TENT4B: variants seen among roughly 807,000 people sequenced by gnomAD.
The protein encoded by TENT4B is terminal nucleotidyltransferase 4B, also known as PAP associated domain containing 5.
A neutral mutation model predicts 75.0 loss-of-function variants in TENT4B; 10 were observed. The observed-to-expected ratio is 0.13, with a 90% CI of 0.08 to 0.23. The LOEUF (loss-of-function observed/expected upper bound fraction) is 0.23. Ranked by LOEUF, TENT4B falls within the 10% of genes least tolerant of loss-of-function variation. The pLI is 1.00. For missense variants in TENT4B, 579 were observed against 893.8 expected (o/e 0.65, Z 4.49); for synonymous variants, 350 against 357.7 (o/e 0.98, Z 0.24).
Position 50,153,739 on chromosome 16 carries a change from C to T in TENT4B, c.118C>T (p.His40Tyr). The change falls in exon 1 of 12, where the codon CAC becomes TAC. Residue 40 changes from histidine to tyrosine, a missense_variant. His to Tyr is a moderately conservative substitution (Grantham distance 83). This residue lies in a region of TENT4B where 253 missense variants were observed against 270.1 expected (regional missense o/e 0.94). Coordinates refer to ENST00000561678, the MANE Select transcript of TENT4B (RefSeq NM_001365324.3). ...GAACCTCTACTTCAACCACCACTGT[C>T]ACAGCAGCGGCGGCGCGAGCGGCGG... is the stretch of plus-strand genomic sequence containing the variant. ...LRNLYFNHHC[H>Y]SSGGASGGGG... The T allele has an allele frequency of 9.5e-7, 1 of 1,054,040 alleles. No individual in the cohort carries two copies. Among genetic ancestry groups the T allele is most frequent in the Non-Finnish European group, 1.1e-6 (1 of 876,500 alleles). The allele number at this position is 1,054,040 out of a possible 1,614,324, so 65.3% of individuals were successfully genotyped here.
upstream of TENT4B, chr16:50,152,945 C>T (rs978100600): frequency 4.7e-6 from 7 of 1,504,350 alleles, no homozygotes; most frequent in Non-Finnish European, 6.2e-6. Flanking sequence ...GGGCGGGCGG[C>T]AACCTCCATG....
chr16:50,233,517 A>G lies in TENT4B; in HGVS notation c.*4189A>G, dbSNP rs1301171792. ...AGCGACTTTTCTTTTTTTTTTGGTC[A>G]AAGATAATGAGCTAAATATATATAG... On this transcript the variant is annotated 3_prime_UTR_variant, in exon 12 of 12. Coordinates refer to ENST00000561678, the MANE Select transcript of TENT4B (RefSeq NM_001365324.3). The G allele has an allele frequency of 3.0e-6, 3 of 984,888 alleles. No individual in the cohort carries two copies. In the African/African-American group the frequency reaches 5.3e-5, roughly 17 times the overall value. 61.0% of individuals were successfully genotyped at this position (984,888 alleles called of 1,614,324 possible).
intron 1 of TENT4B, among the ~76,000 whole-genome samples, chr16:50,192,422 T>A (rs536527554): frequency 3.9e-5 from 6 of 152,244 alleles, no homozygotes; most frequent in African/African-American, 1.4e-4. Flanking sequence ...TCTTTAAAAT[T>A]TTTTTTAAAA....
intron 1 of TENT4B, among the ~76,000 whole-genome samples, chr16:50,199,649 T>C (rs1185812874): frequency 6.6e-6 from 1 of 152,240 alleles, no homozygotes; most frequent in African/African-American, 2.4e-5. Flanking sequence ...TTGGCTTCTT[T>C]TACGTAGTAA....
rs1039275680 is a variant in TENT4B at position 50,234,957 on chromosome 16, C to T, written c.*5629C>T. Reference sequence around the variant, plus strand: ...CTTCAGTGTTAAGAAATGTGGACTCCTGTGAGGTGCTGGAGGTTTGAATCA... The same window carrying T: ...CTTCAGTGTTAAGAAATGTGGACTCTTGTGAGGTGCTGGAGGTTTGAATCA... On this transcript the variant is annotated 3_prime_UTR_variant, in exon 12 of 12. Transcript: ENST00000561678. 3 of 985,674 alleles carry T rather than the reference C, an allele frequency of 3.0e-6. No homozygotes were observed. The highest frequency in any genetic ancestry group is 1.7e-5 in the African/African-American group (1 of 57,212). 61.1% of individuals were successfully genotyped at this position (985,674 alleles called of 1,614,324 possible). A position where few individuals can be genotyped will look rare whatever the true frequency, so the allele number is the denominator to read the frequency against.
intron 5 of TENT4B, among the ~76,000 whole-genome samples, chr16:50,218,926 T>G (rs75817782): frequency 0.026 from 3,920 of 151,910 alleles, 52 homozygotes; most frequent in South Asian, 0.051. Flanking sequence ...TATTCACAAT[T>G]TTTTTTTTCT....
chr16:50,189,349 A>G (rs2038595998), intron 1 of TENT4B, among the ~76,000 whole-genome samples: 1 of 152,160 alleles, frequency 6.6e-6, no homozygotes, highest in African/African-American at 2.4e-5. Context: ...TTGATTTTAA[A>G]ATATTGCAAG....
Position 50,231,042 on chromosome 16 carries a change from C to CTTTA in TENT4B, c.*1715_*1716insTTAT, listed in dbSNP as rs138572890. The stretch of plus-strand genomic sequence containing the variant: ...GTAACTTTTTATAAAGAAAATAATG[C>CTTTA]TAAAGTAAGACCAAAACTGATGTCA... On this transcript the variant is annotated 3_prime_UTR_variant, in exon 12 of 12. Coordinates refer to ENST00000561678, the MANE Select transcript of TENT4B (RefSeq NM_001365324.3). The CTTTA allele has an allele frequency of 0.064, 63,284 of 981,624 alleles. 2,248 individuals carry two copies. The highest frequency in any genetic ancestry group is 0.071 in the Non-Finnish European group (58,409 of 826,142). The allele number at this position is 981,624 out of a possible 1,614,324, so 60.8% of individuals were successfully genotyped here.
chr16:50,196,950 A>G lies in TENT4B; in HGVS notation c.639-14373A>G, dbSNP rs190852967. The stretch of plus-strand genomic sequence containing the variant: ...AACCCTGTCTCAAAAAAAAAAAAAT[A>G]GTACAACTTTAAGCAGGATGTGGGC... On this transcript the variant is annotated intron_variant, in intron 1 of 11. Transcript: ENST00000561678. Among the ~76,000 whole-genome samples the G allele has an allele frequency of 1.9e-4, 29 of 151,542 alleles. 1 individual carries two copies. The highest frequency in any genetic ancestry group is 6.3e-4 in the African/African-American group (26 of 41,206).
intron 1 of TENT4B, among the ~76,000 whole-genome samples, chr16:50,179,401 A>G (rs998252122): frequency 1.3e-5 from 2 of 152,020 alleles, no homozygotes; most frequent in African/African-American, 2.4e-5. Context: ...CCAAATGTTT[A>G]TATTTACTTT....
chr16:50,223,484 C>T (rs757362087), intron 7 of TENT4B, 97 bp downstream of exon 7: 3 of 768,380 alleles, frequency 3.9e-6, no homozygotes, highest in Admixed American at 3.0e-5. Context: ...AATGAAGGAA[C>T]AACTTCTAAT....
chr16:50,153,228 C>T (rs2037802535), upstream of TENT4B, among the ~76,000 whole-genome samples: 1 of 138,266 alleles, frequency 7.2e-6, no homozygotes, highest in Non-Finnish European at 1.6e-5. Flanking sequence ...GCAGAGGCCC[C>T]GCCCCGGGGC....
chr16:50,192,267 C>A (rs2150710468), intron 1 of TENT4B, among the ~76,000 whole-genome samples: 1 of 151,246 alleles, frequency 6.6e-6, no homozygotes, highest in African/African-American at 2.4e-5. Flanking sequence ...TAAATGTGAT[C>A]TTTTTTCTTC....
intron 1 of TENT4B, among the ~76,000 whole-genome samples, chr16:50,204,453 A>G (rs1450391671): frequency 6.6e-6 from 1 of 152,190 alleles, no homozygotes; most frequent in Non-Finnish European, 1.5e-5. Context: ...TAGGTTTAAG[A>G]GAATGACAAG....
At chr16:50,222,552 C>CT (rs992268119) in intron 6 of TENT4B, 118 bp downstream of exon 6, 1 of 1,047,780 alleles carries the variant, frequency 9.5e-7, no homozygotes, top group African/African-American at 1.7e-5. Flanking sequence ...TCCTTGATTA[C>CT]TTAACGGCTT....
rs2037816432 is a variant in TENT4B at position 50,153,506 on chromosome 16, C to T, written c.-116C>T. The T allele has an allele frequency of 4.0e-6, 1 of 252,144 alleles. No individual in the cohort carries two copies. The highest frequency in any genetic ancestry group is 1.8e-4 in the East Asian group (1 of 5,448). 15.6% of individuals were successfully genotyped at this position (252,144 alleles called of 1,614,324 possible). A position where few individuals can be genotyped will look rare whatever the true frequency, so the allele number is the denominator to read the frequency against. ...GGGCCCCGAGCAGCAGCAGCAGCAG[C>T]AGCGGCAGCAGCGGCAGCAGCAGCA... On this transcript the variant is annotated 5_prime_UTR_variant, in exon 1 of 12. Coordinates refer to ENST00000561678, the MANE Select transcript of TENT4B (RefSeq NM_001365324.3).
intron 1 of TENT4B, among the ~76,000 whole-genome samples, chr16:50,157,929 C>T (rs186837058): frequency 6.6e-6 from 1 of 151,900 alleles, no homozygotes; most frequent in East Asian, 1.9e-4. Context: ...CCATGCCTGG[C>T]TCATTTTGGT....
rs771049562 is a variant in TENT4B at position 50,225,294 on chromosome 16, GA to G, written c.1800+12del. The G allele has an allele frequency of 1.6e-5, 26 of 1,600,980 alleles. No individual in the cohort carries two copies. In the African/African-American group the frequency reaches 3.4e-4, roughly 21 times the overall value. ...CCAGCTCTAGTGATGTAGTAAGTAT[GA>G]AAGCCTCGGCTCTTCTGAACTCAGA... is the stretch of plus-strand genomic sequence containing the variant. On this transcript the variant is annotated intron_variant, in intron 10 of 11. Coordinates refer to ENST00000561678, the MANE Select transcript of TENT4B (RefSeq NM_001365324.3).
intron 1 of TENT4B, among the ~76,000 whole-genome samples, chr16:50,160,789 T>A (rs933292632): frequency 6.6e-6 from 1 of 152,194 alleles, no homozygotes; most frequent in Non-Finnish European, 1.5e-5. Flanking sequence ...AAAATCAAGC[T>A]TTTGTATGAT....
Sources: allele counts gnomAD v4.1 joint callset (sites outside exome capture counted in the v4.1 genomes callset), GRCh38; gene constraint gnomAD v4.1.1; regional missense constraint gnomAD v4.1.1; transcripts MANE v1.5; gene names NCBI Gene and HGNC (gene_info 2026-07-23, HGNC 2026-07-21).